GARIN5A: variants seen among roughly 807,000 people sequenced by gnomAD.
GARIN5A encodes golgi associated RAB2 interactor 5A.
chr19:50,476,655 A>AG, the GARIN5A span: 5 of 1,525,276 alleles, frequency 3.3e-6, no homozygotes, highest in Non-Finnish European at 3.5e-6. Context: ...CTGGTGCGCG[A>AG]GGGGTGAGTG....
chr19:50,468,736 TG>T, the GARIN5A span, among the ~76,000 whole-genome samples: 1 of 152,138 alleles, frequency 6.6e-6, no homozygotes, highest in Non-Finnish European at 1.5e-5. Context: ...CCAGAGCAGC[TG>T]GGACTATACG....
the GARIN5A span, among the ~76,000 whole-genome samples, chr19:50,475,034 C>T: frequency 6.6e-5 from 10 of 152,156 alleles, no homozygotes; most frequent in African/African-American, 1.2e-4. Flanking sequence ...AGATCGTATG[C>T]GCGGCCTAGG....
the GARIN5A span, chr19:50,467,422 C>A: frequency 1.6e-6 from 1 of 624,612 alleles, no homozygotes. Flanking sequence ...ACCCAGGAGT[C>A]CAGGACCCCA....
At chr19:50,476,380 C>CGGCCCCATCCTGCTGACGTCA in the GARIN5A span, 729 of 1,555,952 alleles carry the variant, frequency 4.7e-4, 12 homozygotes, top group East Asian at 0.016. Context: ...GCCAAAGGGG[C>CGGCCCCATCCTGCTGACGTCA]GGCCCCATCC....
the GARIN5A span, chr19:50,467,899 G>T: frequency 1.4e-6 from 2 of 1,462,602 alleles, no homozygotes; most frequent in Middle Eastern, 2.2e-4. Flanking sequence ...GGGGTCAGGG[G>T]TCCCCACCTT....
chr19:50,476,218 C>A, the GARIN5A span: 1 of 1,613,626 alleles, frequency 6.2e-7, no homozygotes, highest in East Asian at 2.2e-5. Flanking sequence ...CCCCGTCCGA[C>A]GGGAGCGGAC....
the GARIN5A span, chr19:50,476,438 C>A: frequency 1.9e-6 from 3 of 1,550,504 alleles, no homozygotes; most frequent in South Asian, 2.4e-5. Context: ...GCGCAGGTGC[C>A]GGGGCCCAGC....
At chr19:50,472,102 A>G in the GARIN5A span, among the ~76,000 whole-genome samples, 45 of 143,008 alleles carry the variant, frequency 3.1e-4, no homozygotes, top group East Asian at 4.2e-3. Context: ...GTATATGTAT[A>G]TATACGTGTG....
the GARIN5A span, among the ~76,000 whole-genome samples, chr19:50,472,088 ATATGTATATGTATATATACG>A: frequency 3.3e-5 from 3 of 90,950 alleles, no homozygotes; most frequent in Non-Finnish European, 7.1e-5. Context: ...ACATGTGTGT[ATATGTATATGTATATATACG>A]TGTGTATATG....
At chr19:50,467,809 A>G in the GARIN5A span, 8 of 1,613,272 alleles carry the variant, frequency 5.0e-6, no homozygotes, top group South Asian at 8.8e-5. Context: ...AAAGAGCTGG[A>G]CGAACTTCAA....
At chr19:50,467,128 C>A in the GARIN5A span, among the ~76,000 whole-genome samples, 4 of 152,176 alleles carry the variant, frequency 2.6e-5, no homozygotes, top group Admixed American at 2.6e-4. Flanking sequence ...TCCACCTTGA[C>A]CCCCAAGGCC....
At chr19:50,472,056 G>A in the GARIN5A span, among the ~76,000 whole-genome samples, 623 of 127,150 alleles carry the variant, frequency 4.9e-3, 13 homozygotes, top group East Asian at 0.04. Flanking sequence ...GTATATATAC[G>A]TGTGTGTATA....
At chr19:50,471,827 C>T in the GARIN5A span, among the ~76,000 whole-genome samples, 7 of 142,916 alleles carry the variant, frequency 4.9e-5, no homozygotes, top group South Asian at 2.2e-4. Context: ...TGTGTGTATA[C>T]GCATACATAT....
chr19:50,472,253 A>ATGTATGTGTGTATTATATATACG, the GARIN5A span, among the ~76,000 whole-genome samples: 19 of 101,958 alleles, frequency 1.9e-4, no homozygotes, highest in African/African-American at 1.0e-3. Context: ...TTATATATAC[A>ATGTATGTGTGTATTATATATACG]TGTATGTGTG....
the GARIN5A span, among the ~76,000 whole-genome samples, chr19:50,468,314 A>C: frequency 6.7e-6 from 1 of 149,008 alleles, no homozygotes; most frequent in South Asian, 2.1e-4. Context: ...GTGAGCCGAG[A>C]TCACGCCACT....
At chr19:50,472,064 A>ATATGTGTATATATACATGTGTGTATATG in the GARIN5A span, among the ~76,000 whole-genome samples, 2 of 130,000 alleles carry the variant, frequency 1.5e-5, no homozygotes, top group African/African-American at 3.9e-5. Context: ...ACGTGTGTGT[A>ATATGTGTATATATACATGTGTGTATATG]TATGTGTATA....
At chr19:50,470,566 T>G in the GARIN5A span, among the ~76,000 whole-genome samples, 63 of 149,752 alleles carry the variant, frequency 4.2e-4, no homozygotes, top group Non-Finnish European at 7.7e-4. Flanking sequence ...GTGTGGTGGC[T>G]GTGCTCATGG....
the GARIN5A span, among the ~76,000 whole-genome samples, chr19:50,467,327 T>C: frequency 6.6e-6 from 1 of 152,004 alleles, no homozygotes; most frequent in Non-Finnish European, 1.5e-5. Flanking sequence ...GAGAGACTGC[T>C]GGCTTCTACC....
the GARIN5A span, chr19:50,475,363 G>A: frequency 3.9e-5 from 63 of 1,606,934 alleles, no homozygotes; most frequent in South Asian, 5.9e-4. Flanking sequence ...TGGCAGGGCC[G>A]GCCAGAAGCA....
Sources: allele counts gnomAD v4.1 joint callset (sites outside exome capture counted in the v4.1 genomes callset), GRCh38; gene constraint gnomAD v4.1.1; transcripts MANE v1.5; gene names NCBI Gene and HGNC (gene_info 2026-07-23, HGNC 2026-07-21).